The following MAP7 variants were observed in gnomAD, a reference collection of about 807,000 sequenced individuals.
MAP7 encodes ensconsin.
A neutral mutation model predicts 94.8 loss-of-function variants in MAP7; 52 were observed. That is an observed-to-expected ratio of 0.55 (90% CI 0.44 to 0.69). The LOEUF is 0.69. Ranked by LOEUF, MAP7 falls within the 30% of genes least tolerant of loss-of-function variation. The pLI, the probability that MAP7 is intolerant of heterozygous loss-of-function variation, is 0.00. For synonymous variants in MAP7, 350 were observed against 357.0 expected (o/e 0.98, Z 0.22); for missense variants, 940 against 964.6 (o/e 0.97, Z 0.34).
chr6:136,433,967 C>A (rs1219022982), intron 1 of MAP7, among the ~76,000 whole-genome samples: 1 of 152,162 alleles, frequency 6.6e-6, no homozygotes. Context: ...ATGATGTCTG[C>A]AGGGACAGAC....
intron 13 of MAP7, 28 bp downstream of exon 13, chr6:136,360,669 C>T: frequency 6.2e-7 from 1 of 1,606,136 alleles, no homozygotes; most frequent in Non-Finnish European, 8.5e-7. Flanking sequence ...AGTTCGCGTC[C>T]CGGGCCTCTC....
chr6:136,454,412 T>A (rs1223367396), intron 1 of MAP7, among the ~76,000 whole-genome samples: 1 of 151,662 alleles, frequency 6.6e-6, no homozygotes, highest in African/African-American at 2.4e-5. Context: ...GCTCAAGCGA[T>A]CCTCCCGCCC....
chr6:136,364,477 A>T, intron 10 of MAP7: 2 of 262,984 alleles, frequency 7.6e-6, no homozygotes, highest in Non-Finnish European at 7.4e-6. Context: ...CTTTTGTAAC[A>T]AGTTCAATAA....
intron 1 of MAP7, among the ~76,000 whole-genome samples, chr6:136,422,416 T>C (rs1014655360): frequency 5.3e-5 from 8 of 151,996 alleles, no homozygotes; most frequent in Non-Finnish European, 1.2e-4. Context: ...TATGCTGAAA[T>C]TCAAATTAAA....
intron 1 of MAP7, among the ~76,000 whole-genome samples, chr6:136,496,327 C>T (rs1393153363): frequency 6.6e-6 from 1 of 152,324 alleles, no homozygotes; most frequent in Non-Finnish European, 1.5e-5. Context: ...CATCCTCTCA[C>T]ATCCCTCATT....
rs552392368 is a variant in MAP7 at position 136,496,330 on chromosome 6, C to A, written c.67+54012G>T. Among the ~76,000 whole-genome samples, 19 of 152,328 alleles carry A rather than the reference C, an allele frequency of 1.2e-4. 1 individual carries two copies. The South Asian group carries it at 3.3e-3, about 27-fold the overall frequency. On this transcript the variant is annotated intron_variant, in intron 1 of 17. Coordinates refer to ENST00000354570, the MANE Select transcript of MAP7 (RefSeq NM_003980.6). ...CAGACAATTAAGCATCCTCTCACAT[C>A]CCTCATTCCTTTATGTCATACAACT...
intron 5 of MAP7, 47 bp downstream of exon 5, chr6:136,388,346 T>C: frequency 2.1e-6 from 3 of 1,397,594 alleles, no homozygotes; most frequent in Non-Finnish European, 3.0e-6. Context: ...AACACCCTGT[T>C]ACTTTCAGGA....
At chr6:136,376,714 G>A (rs1279931972) in intron 7 of MAP7, among the ~76,000 whole-genome samples, 1 of 152,126 alleles carries the variant, frequency 6.6e-6, no homozygotes, top group East Asian at 1.9e-4. Flanking sequence ...ACTTATTGTC[G>A]CTGCACTTGG....
chr6:136,392,593 C>T (rs1014938588), intron 3 of MAP7, among the ~76,000 whole-genome samples: 1 of 151,976 alleles, frequency 6.6e-6, no homozygotes, highest in African/African-American at 2.4e-5. Context: ...AGACCCTGAG[C>T]AGTAACAATG....
At chr6:136,507,509 T>C (rs1821930695) in intron 1 of MAP7, among the ~76,000 whole-genome samples, 1 of 151,758 alleles carries the variant, frequency 6.6e-6, no homozygotes, top group Non-Finnish European at 1.5e-5. Flanking sequence ...ACAAATTTTA[T>C]TTTTTAAAGA....
chr6:136,529,200 C>T (rs1432530080), intron 1 of MAP7, among the ~76,000 whole-genome samples: 1 of 152,214 alleles, frequency 6.6e-6, no homozygotes, highest in Admixed American at 6.5e-5. Context: ...CTGCAACCTC[C>T]ACCTCGCGGG....
intron 1 of MAP7, chr6:136,525,797 TCTGGCTCCGACCAAAGGGTGGAG>T (rs1827651171): frequency 3.9e-6 from 6 of 1,524,738 alleles, no homozygotes; most frequent in Non-Finnish European, 5.3e-6. Context: ...AAGGGCTGGA[TCTGGCTCCGACCAAAGGGTGGAG>T]CTAATGCATA....
In MAP7 at chr6:136,546,215, G is replaced by A. The variant is rs1181856571; in HGVS notation, c.67+4127C>T. The stretch of plus-strand genomic sequence containing the variant: ...TTTAGTAGAGATGGGGTTTTACCAC[G>A]TAACCCAGGCTAGTCTCAAACTCCT... On this transcript the variant is annotated intron_variant, in intron 1 of 17. Coordinates refer to ENST00000354570, the MANE Select transcript of MAP7 (RefSeq NM_003980.6). 2.0e-5 allele frequency among the ~76,000 whole-genome samples: 3 copies of A among 151,626 alleles called. No homozygotes were observed. In the East Asian group the frequency reaches 5.8e-4, roughly 29 times the overall value.
In MAP7 at chr6:136,505,277, G is replaced by GTGTATATATATATATA. The variant is rs1465266004; in HGVS notation, c.67+45064_67+45065insTATATATATATATACA. 1.2e-3 allele frequency among the ~76,000 whole-genome samples: 62 copies of GTGTATATATATATATA among 53,806 alleles called. 1 individual carries two copies. Among genetic ancestry groups the GTGTATATATATATATA allele is most frequent in the African/African-American group, 4.3e-3 (53 of 12,412 alleles). The allele number at this position is 53,806 out of a possible 152,430, so 35.3% of individuals were successfully genotyped here. ...TGTGTGTGTGTGTGTGTGTGTGTGTGTATATATATATATATATATATATAT... is the reference window on the plus strand; with the variant it reads ...TGTGTGTGTGTGTGTGTGTGTGTGTGTGTATATATATATATATATATATATATATATATATATATAT... On this transcript the variant is annotated intron_variant, in intron 1 of 17. Transcript: ENST00000354570.
chr6:136,361,372 A>G (rs987068878), intron 11 of MAP7, among the ~76,000 whole-genome samples, 193 bp from the exon 12 acceptor site: 2 of 152,232 alleles, frequency 1.3e-5, no homozygotes, highest in African/African-American at 4.8e-5. Flanking sequence ...TGCCAGCTGC[A>G]TTGCTGTCCG....
At chr6:136,484,414 A>G (rs1813958292) in intron 1 of MAP7, among the ~76,000 whole-genome samples, 1 of 152,196 alleles carries the variant, frequency 6.6e-6, no homozygotes, top group Non-Finnish European at 1.5e-5. Flanking sequence ...ATGGAAGAAA[A>G]GAGTCCCATT....
chr6:136,510,895 A>G (rs976814347), intron 1 of MAP7, among the ~76,000 whole-genome samples: 1 of 152,012 alleles, frequency 6.6e-6, no homozygotes, highest in African/African-American at 2.4e-5. Flanking sequence ...GCGTATGGAA[A>G]CATCTAGCAT....
rs75524320 is a variant in MAP7, at chr6:136,440,872, T to C, written c.68-19073A>G. On this transcript the variant is annotated intron_variant, in intron 1 of 17. Transcript: ENST00000354570. Reference sequence around the variant, plus strand: ...CCTAACTTCCTCTCTTCCCAATCTCTTGGTAATCTCTATCCTACTCTCTAC... The same window carrying C: ...CCTAACTTCCTCTCTTCCCAATCTCCTGGTAATCTCTATCCTACTCTCTAC... 3.9e-3 allele frequency among the ~76,000 whole-genome samples: 589 copies of C among 151,814 alleles called. 4 individuals are homozygous for C. Among genetic ancestry groups the C allele is most frequent in the East Asian group, 0.039 (200 of 5,172 alleles).
chr6:136,490,538 G>A (rs1816250671), intron 1 of MAP7, among the ~76,000 whole-genome samples: 1 of 152,100 alleles, frequency 6.6e-6, no homozygotes, highest in South Asian at 2.1e-4. Flanking sequence ...TAATTATTAA[G>A]TTGACTACAA....
Sources: allele counts gnomAD v4.1 joint callset (sites outside exome capture counted in the v4.1 genomes callset), GRCh38; gene constraint gnomAD v4.1.1; transcripts MANE v1.5; gene names NCBI Gene and HGNC (gene_info 2026-07-23, HGNC 2026-07-21).